Variants in SLC25A26 observed in about 807,000 individuals in gnomAD.
SLC25A26 encodes mitochondrial S-adenosylmethionine carrier protein.
In SLC25A26, 36 loss-of-function variants were observed where a neutral mutation model predicts 37.8. That is an observed-to-expected ratio of 0.95 (90% CI 0.73 to 1.26). SLC25A26 has a LOEUF of 1.26. SLC25A26 is among the 50% of genes most tolerant of loss of function. The pLI is 0.00. For missense variants in SLC25A26, 390 were observed against 331.1 expected, an observed-to-expected ratio of 1.18 and a Z score of -1.38; for synonymous variants, 129 against 122.5, an observed-to-expected ratio of 1.05 and a Z score of -0.35.
At chr3:66,311,137 G>T (rs1029145949) in intron 5 of SLC25A26, among the ~76,000 whole-genome samples, 3 of 152,184 alleles carry the variant, frequency 2.0e-5, no homozygotes, top group African/African-American at 7.2e-5. Context: ...CCAATCAATC[G>T]TAGGTTTGGT....
intron 1 of SLC25A26, among the ~76,000 whole-genome samples, chr3:66,150,984 A>C (rs1375555354): frequency 1.3e-5 from 2 of 151,906 alleles, no homozygotes; most frequent in Non-Finnish European, 2.9e-5. Flanking sequence ...GCACTGTGCT[A>C]TGTACTTACA....
intron 5 of SLC25A26, among the ~76,000 whole-genome samples, chr3:66,316,800 A>T (rs1409287658): frequency 6.6e-6 from 1 of 151,894 alleles, no homozygotes; most frequent in Non-Finnish European, 1.5e-5. Context: ...TAGTTCTTGG[A>T]GGTTTTGTTC....
chr3:66,325,390 A>T (rs997226443), intron 5 of SLC25A26, among the ~76,000 whole-genome samples: 1 of 152,228 alleles, frequency 6.6e-6, no homozygotes, highest in Admixed American at 6.5e-5. Flanking sequence ...ACCAGGTACT[A>T]TGCATAGGGG....
At position 66,193,194 on chromosome 3, in the gene SLC25A26, T is replaced by C. The variant is rs984994697; in HGVS notation, c.-353-27548T>C. 4.6e-4 allele frequency among the ~76,000 whole-genome samples: 70 copies of C among 152,192 alleles called. 1 individual carries two copies. The highest frequency in any genetic ancestry group is 9.3e-4 in the Non-Finnish European group (63 of 68,018). On this transcript the variant is annotated intron_variant, in intron 1 of 10. Coordinates refer to the SLC25A26 transcript ENST00000676754. ...AGCTATAGTTTAAAACTTTAAATTA[T>C]TACCTATTTATATTTGTATGTCTTG...
chr3:66,272,004 G>A (rs555039614), intron 5 of SLC25A26, among the ~76,000 whole-genome samples: 100 of 152,054 alleles, frequency 6.6e-4, no homozygotes, highest in African/African-American at 2.3e-3. Flanking sequence ...ATGTAGTTTT[G>A]ATTTTAAAGT....
chr3:66,187,145 C>T (rs2070844627), intron 1 of SLC25A26, among the ~76,000 whole-genome samples: 2 of 151,530 alleles, frequency 1.3e-5, no homozygotes, highest in Non-Finnish European at 2.9e-5. Context: ...TCTGACCTTA[C>T]CCTGAACTGT....
At chr3:66,351,879 C>G (rs1296512544) in intron 6 of SLC25A26, among the ~76,000 whole-genome samples, 3 of 152,168 alleles carry the variant, frequency 2.0e-5, no homozygotes, top group Admixed American at 2.0e-4. Flanking sequence ...ACACTGGCCT[C>G]TCCAGTGGTC....
intron 5 of SLC25A26, among the ~76,000 whole-genome samples, chr3:66,326,311 G>GA (rs895171400): frequency 1.1e-4 from 16 of 152,140 alleles, no homozygotes; most frequent in Non-Finnish European, 2.2e-4. Context: ...AAGACATTAC[G>GA]AAAAAAATCA....
intron 5 of SLC25A26, among the ~76,000 whole-genome samples, chr3:66,295,470 C>T (rs1181417652): frequency 2.7e-5 from 4 of 146,894 alleles, no homozygotes; most frequent in South Asian, 2.2e-4. Context: ...GTGGTACGAT[C>T]GGCTTACTGC....
chr3:66,156,586 T>C (rs1021436380), intron 1 of SLC25A26, among the ~76,000 whole-genome samples: 5 of 152,192 alleles, frequency 3.3e-5, no homozygotes, highest in African/African-American at 1.2e-4. Flanking sequence ...GAGTCCAGAA[T>C]GTTCCTTGCA....
intron 1 of SLC25A26, among the ~76,000 whole-genome samples, chr3:66,215,335 G>T (rs1279684577): frequency 2.0e-5 from 3 of 151,952 alleles, no homozygotes; most frequent in Non-Finnish European, 4.4e-5. Flanking sequence ...CGACTAGCTG[G>T]GACCACAGGC....
At chr3:66,234,879 A>G (rs2072200108) in intron 1 of SLC25A26, among the ~76,000 whole-genome samples, 1 of 152,192 alleles carries the variant, frequency 6.6e-6, no homozygotes. Context: ...TTGAATAGGT[A>G]ATGTATTTAC....
intron 2 of SLC25A26, among the ~76,000 whole-genome samples, chr3:66,242,550 C>T (rs2072630685): frequency 6.6e-6 from 1 of 152,126 alleles, no homozygotes; most frequent in Admixed American, 6.5e-5. Flanking sequence ...TCCTTTATCT[C>T]TTGTGCCTTA....
At chr3:66,150,657 A>G (rs1244245893) in intron 1 of SLC25A26, among the ~76,000 whole-genome samples, 1 of 78,274 alleles carries the variant, frequency 1.3e-5, no homozygotes. Context: ...TATATATATC[A>G]TGGCACTTGG....
chr3:66,292,783 G>A (rs565834501), intron 5 of SLC25A26, among the ~76,000 whole-genome samples: 19 of 152,174 alleles, frequency 1.2e-4, no homozygotes, highest in African/African-American at 4.6e-4. Context: ...CTTTCTCGAG[G>A]AGTATCTTAG....
At chr3:66,319,835 C>T (rs1196455209) in intron 5 of SLC25A26, among the ~76,000 whole-genome samples, 3 of 140,618 alleles carry the variant, frequency 2.1e-5, no homozygotes, top group Non-Finnish European at 3.0e-5. Context: ...CTCACCGCAA[C>T]CTCTACTTCC....
At chr3:66,338,680 CATT>C (rs1382476465) in intron 5 of SLC25A26, among the ~76,000 whole-genome samples, 1 of 151,956 alleles carries the variant, frequency 6.6e-6, no homozygotes, top group Non-Finnish European at 1.5e-5. Context: ...AAGGTTGTAT[CATT>C]AAGTACAGAG....
intron 3 of SLC25A26, among the ~76,000 whole-genome samples, chr3:66,243,828 C>A (rs2072701319): frequency 6.6e-6 from 1 of 152,318 alleles, no homozygotes; most frequent in East Asian, 1.9e-4. Context: ...ACCATGTTGA[C>A]GTTTGGCTTC....
At chr3:66,238,776 G>A (rs36184564) in intron 2 of SLC25A26, among the ~76,000 whole-genome samples, 10,094 of 152,040 alleles carry the variant, frequency 0.066, 694 homozygotes, top group Admixed American at 0.15. Flanking sequence ...TCATCATAAG[G>A]TCTTCATGTT....
Sources: allele counts gnomAD v4.1 joint callset (sites outside exome capture counted in the v4.1 genomes callset), GRCh38; gene constraint gnomAD v4.1.1; transcripts MANE v1.5; gene names NCBI Gene and HGNC (gene_info 2026-07-23, HGNC 2026-07-21).